The following MAGI3 variants were observed in gnomAD, a reference collection of about 807,000 sequenced individuals.
MAGI3 encodes the protein membrane-associated guanylate kinase, WW and PDZ domain-containing protein 3.
In MAGI3, 43 loss-of-function variants were observed where a neutral mutation model predicts 121.8. That is an observed-to-expected ratio of 0.35 (90% CI 0.28 to 0.46). The LOEUF (loss-of-function observed/expected upper bound fraction) is 0.46. Among genes scored for constraint, MAGI3 ranks in the 20% least tolerant of loss-of-function variants. The pLI is 1.00. For synonymous variants in MAGI3, 553 were observed against 639.3 expected (o/e 0.86, Z 2.04); for missense variants, 1,547 against 1,797.3 (o/e 0.86, Z 2.52).
chr1:113,643,637 A>G (rs904739606), intron 10 of MAGI3, 106 bp from the exon 11 acceptor site: 2 of 983,282 alleles, frequency 2.0e-6, no homozygotes, highest in African/African-American at 3.2e-5. Context: ...CACAGAATTT[A>G]CTAGCGTACT....
intron 2 of MAGI3, among the ~76,000 whole-genome samples, chr1:113,561,211 T>C (rs1660221394): frequency 6.6e-6 from 1 of 152,214 alleles, no homozygotes; most frequent in Admixed American, 6.5e-5. Flanking sequence ...GCACCATTTC[T>C]TCTGAAGCTA....
intron 15 of MAGI3, among the ~76,000 whole-genome samples, chr1:113,656,627 G>A (rs1653488784): frequency 1.3e-5 from 2 of 152,060 alleles, no homozygotes; most frequent in Admixed American, 6.5e-5. Flanking sequence ...ATGTTGGCCA[G>A]GCTGGTCTCA....
chr1:113,654,854 T>C (rs1653386407), intron 15 of MAGI3, among the ~76,000 whole-genome samples: 1 of 152,170 alleles, frequency 6.6e-6, no homozygotes, highest in East Asian at 1.9e-4. Context: ...GTCAGTTTGA[T>C]TATGTTTTGA....
At chr1:113,527,049 G>C (rs887480119) in intron 1 of MAGI3, among the ~76,000 whole-genome samples, 4 of 152,130 alleles carry the variant, frequency 2.6e-5, no homozygotes, top group African/African-American at 4.8e-5. Context: ...ATTAATATAT[G>C]TACAGAATTT....
chr1:113,534,475 A>ACTCTAT, intron 1 of MAGI3, among the ~76,000 whole-genome samples: 1 of 152,000 alleles, frequency 6.6e-6, no homozygotes, highest in African/African-American at 2.4e-5. Context: ...TGGAATGCCC[A>ACTCTAT]CTGTGCTCCC....
rs1657120586 is a variant in MAGI3 at position 113,503,235 on chromosome 1, A to G, written c.317-46280A>G. 3.3e-5 allele frequency among the ~76,000 whole-genome samples: 3 copies of G among 91,818 alleles called. No individual in the cohort carries two copies. In the South Asian group the frequency reaches 1.6e-3, roughly 49 times the overall value. 60.2% of individuals were successfully genotyped at this position (91,818 alleles called of 152,430 possible). A position where few individuals can be genotyped will look rare whatever the true frequency, so the allele number is the denominator to read the frequency against. On this transcript the variant is annotated intron_variant, in intron 1 of 20. Coordinates refer to ENST00000307546, the MANE Select transcript of MAGI3 (RefSeq NM_001142782.2). ...GAGTATAATTAAAAAAAAAAAAAAA[A>G]AAAAAAAAAAAAAAAAAAAAAAGAT...
intron 19 of MAGI3, among the ~76,000 whole-genome samples, chr1:113,678,819 G>A (rs574968074): frequency 1.1e-4 from 16 of 152,278 alleles, no homozygotes; most frequent in African/African-American, 2.4e-4. Flanking sequence ...CCTCCTGACC[G>A]CCTGTGCCAT....
intron 1 of MAGI3, among the ~76,000 whole-genome samples, chr1:113,448,273 G>C (rs1654283931): frequency 6.6e-6 from 1 of 152,150 alleles, no homozygotes; most frequent in Non-Finnish European, 1.5e-5. Flanking sequence ...GAAGATGTAT[G>C]TTACAACAAG....
intron 1 of MAGI3, among the ~76,000 whole-genome samples, chr1:113,478,697 A>G (rs905791110): frequency 2.6e-5 from 4 of 152,226 alleles, no homozygotes; most frequent in East Asian, 1.9e-4. Flanking sequence ...TAGGCTACGC[A>G]GGGATCAGGG....
Position 113,642,274 on chromosome 1 carries a change from A to T in MAGI3, c.1724A>T (p.Glu575Val). 6.2e-7 allele frequency: 1 copy of T among 1,614,186 alleles called. No individual in the cohort carries two copies. The part of the protein sequence containing the change: ...SMASSGSSQP[E>V]LVTIPLIKGP... ...GCATCGTCAGGCAGCTCCCAGCCTGAACTAGTGACTATCCCTTTGATTAAG... is the reference window on the plus strand; with the variant it reads ...GCATCGTCAGGCAGCTCCCAGCCTGTACTAGTGACTATCCCTTTGATTAAG... The change falls in exon 10 of 21, where the codon GAA becomes GTA. Residue 575 changes from glutamate (E) to valine (V), a missense_variant. Transcript: ENST00000307546.
chr1:113,685,338 G>A lies in MAGI3; in HGVS notation c.*1324G>A, dbSNP rs1486011595. On this transcript the variant is annotated 3_prime_UTR_variant, in exon 21 of 21. Coordinates refer to ENST00000307546, the MANE Select transcript of MAGI3 (RefSeq NM_001142782.2). ...ATTCAGTAGCATCTATATAAATAAA[G>A]GCACCTTCTGAGAATAAAACTATTT... 6.6e-6 allele frequency: 1 copy of A among 152,350 alleles called. No individual in the cohort carries two copies. The highest frequency in any genetic ancestry group is 2.4e-5 in the African/African-American group (1 of 41,458). 9.4% of individuals were successfully genotyped at this position (152,350 alleles called of 1,614,324 possible). A position where few individuals can be genotyped will look rare whatever the true frequency, so the allele number is the denominator to read the frequency against.
At chr1:113,563,024 A>G (rs1660301817) in intron 2 of MAGI3, among the ~76,000 whole-genome samples, 1 of 152,176 alleles carries the variant, frequency 6.6e-6, no homozygotes, top group Admixed American at 6.5e-5. Flanking sequence ...TTAAAAGAAA[A>G]TGTTAGGCTA....
At chr1:113,474,246 A>G (rs559300047) in intron 1 of MAGI3, among the ~76,000 whole-genome samples, 22 of 152,226 alleles carry the variant, frequency 1.4e-4, no homozygotes, top group African/African-American at 2.6e-4. Flanking sequence ...TTCTTTTGCC[A>G]CGCAGAAGCT....
intron 1 of MAGI3, among the ~76,000 whole-genome samples, chr1:113,543,169 C>G (rs1226115237): frequency 2.0e-5 from 3 of 152,016 alleles, no homozygotes; most frequent in Non-Finnish European, 4.4e-5. Context: ...TTGGCTTTTC[C>G]TGCTGTAGAC....
intron 1 of MAGI3, among the ~76,000 whole-genome samples, chr1:113,520,900 CAT>C (rs1190908577): frequency 6.6e-6 from 1 of 152,014 alleles, no homozygotes; most frequent in Non-Finnish European, 1.5e-5. Flanking sequence ...TCGCACCTGG[CAT>C]AGTGTCCTGT....
intron 1 of MAGI3, among the ~76,000 whole-genome samples, chr1:113,549,070 T>G (rs193199745): frequency 6.6e-6 from 1 of 152,338 alleles, no homozygotes; most frequent in Non-Finnish European, 1.5e-5. Flanking sequence ...AGTTCTGTTT[T>G]GGCTATCTGA....
intron 9 of MAGI3, among the ~76,000 whole-genome samples, chr1:113,637,284 G>A (rs952550056): frequency 4.3e-4 from 66 of 152,254 alleles, no homozygotes; most frequent in Non-Finnish European, 4.4e-4. Flanking sequence ...GATGTTCGCT[G>A]GTTATTTTGC....
At chr1:113,551,200 A>G (rs989637322) in intron 2 of MAGI3, among the ~76,000 whole-genome samples, 1 of 152,140 alleles carries the variant, frequency 6.6e-6, no homozygotes, top group African/African-American at 2.4e-5. Context: ...AACAAGACTT[A>G]CCTCATATAG....
chr1:113,607,232 C>G (rs1418310833), intron 6 of MAGI3, among the ~76,000 whole-genome samples: 1 of 152,116 alleles, frequency 6.6e-6, no homozygotes, highest in Non-Finnish European at 1.5e-5. Flanking sequence ...CTAAGCTTCA[C>G]TACTATTTTA....
Sources: allele counts gnomAD v4.1 joint callset (sites outside exome capture counted in the v4.1 genomes callset), GRCh38; gene constraint gnomAD v4.1.1; transcripts MANE v1.5; gene names NCBI Gene and HGNC (gene_info 2026-07-23, HGNC 2026-07-21).